The following CCDC50 variants were observed in gnomAD, a reference collection of about 807,000 sequenced individuals.
The protein encoded by CCDC50 is coiled-coil domain containing 50.
Under a neutral mutation model 70.2 loss-of-function variants are expected in CCDC50, and 54 were observed. The observed-to-expected ratio is 0.77, with a 90% CI of 0.62 to 0.96. The LOEUF is 0.96. Ranked by LOEUF, CCDC50 falls within the 50% of genes least tolerant of loss-of-function variation. The probability of loss-of-function intolerance (pLI) is 0.00; values close to 1 mark genes in which losing one functional copy is unlikely to be tolerated. For synonymous variants in CCDC50, 216 were observed against 198.8 expected (o/e 1.09, Z -0.73); for missense variants, 558 against 578.7 (o/e 0.96, Z 0.37).
chr3:191,330,296 AACAC>A (rs3048670), intron 1 of CCDC50: 22,619 of 137,016 alleles, frequency 0.17, 1,964 homozygotes, highest in Admixed American at 0.21. Context: ...TTACAAACAA[AACAC>A]ACACACACAC....
At chr3:191,360,815 G>A (rs887009983) in intron 3 of CCDC50, among the ~76,000 whole-genome samples, 1 of 152,130 alleles carries the variant, frequency 6.6e-6, no homozygotes, top group African/African-American at 2.4e-5. Flanking sequence ...CCATTGTTGG[G>A]TGTGATGATC....
chr3:191,381,876 G>A (rs1247288549), intron 9 of CCDC50, among the ~76,000 whole-genome samples: 1 of 152,084 alleles, frequency 6.6e-6, no homozygotes, highest in Non-Finnish European at 1.5e-5. Context: ...TAATGGTTGT[G>A]AGGAAAAAGG....
chr3:191,338,656 A>G (rs1711600157), intron 1 of CCDC50, among the ~76,000 whole-genome samples: 1 of 152,180 alleles, frequency 6.6e-6, no homozygotes, highest in Admixed American at 6.5e-5. Context: ...TGGATCCACA[A>G]ATCATTCCTT....
intron 4 of CCDC50, among the ~76,000 whole-genome samples, chr3:191,363,108 G>C (rs1381364589): frequency 2.0e-5 from 3 of 151,466 alleles, no homozygotes; most frequent in African/African-American, 7.3e-5. Flanking sequence ...AGAAAAACAG[G>C]ATAGAAAGAG....
intron 4 of CCDC50, among the ~76,000 whole-genome samples, chr3:191,361,841 C>T (rs969740176): frequency 6.6e-6 from 1 of 152,152 alleles, no homozygotes; most frequent in Non-Finnish European, 1.5e-5. Flanking sequence ...GTTCTTGCAG[C>T]ATTAGAGAGA....
chr3:191,380,435 TAGTG>T (rs1560170166), intron 7 of CCDC50, among the ~76,000 whole-genome samples, 161 bp downstream of exon 7: 1 of 152,038 alleles, frequency 6.6e-6, no homozygotes, highest in East Asian at 1.9e-4. Context: ...CACTTTTGCT[TAGTG>T]AGTAAGCATT....
chr3:191,361,707 T>A (rs1182615682), intron 4 of CCDC50, among the ~76,000 whole-genome samples: 1 of 152,234 alleles, frequency 6.6e-6, no homozygotes, highest in East Asian at 1.9e-4. Context: ...CAGTATGACC[T>A]CAGCTTAACT....
intron 1 of CCDC50, among the ~76,000 whole-genome samples, chr3:191,343,973 C>T (rs997230258): frequency 1.3e-5 from 2 of 152,190 alleles, no homozygotes; most frequent in Non-Finnish European, 2.9e-5. Context: ...ACCTTTCACC[C>T]TACAGAGGTT....
In CCDC50 at chr3:191,372,519, A is replaced by G. The variant is rs546702040; in HGVS notation, c.448+2483A>G. ...GTGGTCCTTTTCCAACACACCTGGG[A>G]TATTCTTTCATTGTACTTCTCTGTA... On this transcript the variant is annotated intron_variant, in intron 5 of 11. Coordinates refer to ENST00000392455, the MANE Select transcript of CCDC50 (RefSeq NM_178335.3). Among the ~76,000 whole-genome samples, 6 of 152,170 alleles carry G rather than the reference A, an allele frequency of 3.9e-5. No homozygotes were observed. The South Asian group carries it at 1.2e-3, about 32-fold the overall frequency.
At chr3:191,388,868 A>G (rs1339958234) in intron 10 of CCDC50, among the ~76,000 whole-genome samples, 9 of 152,164 alleles carry the variant, frequency 5.9e-5, no homozygotes. Flanking sequence ...ACATGTTTGC[A>G]TAAATCTATG....
chr3:191,345,126 C>G (rs1359073135), intron 1 of CCDC50, among the ~76,000 whole-genome samples: 1 of 152,206 alleles, frequency 6.6e-6, no homozygotes, highest in Non-Finnish European at 1.5e-5. Context: ...AGAAAGGAAG[C>G]TTAACTTGAG....
chr3:191,336,270 C>T (rs939541798), intron 1 of CCDC50, among the ~76,000 whole-genome samples: 1 of 151,894 alleles, frequency 6.6e-6, no homozygotes, highest in Admixed American at 6.6e-5. Flanking sequence ...ATTTTGTATT[C>T]CCACCAGCAA....
chr3:191,359,051 G>C (rs879863932), intron 3 of CCDC50, among the ~76,000 whole-genome samples: 1 of 152,154 alleles, frequency 6.6e-6, no homozygotes, highest in East Asian at 1.9e-4. Flanking sequence ...CATGAAAGGA[G>C]ACCAGAGATA....
chr3:191,375,003 A>C (rs1713044390), intron 5 of CCDC50, 59 bp from the exon 6 acceptor site: 2 of 1,553,598 alleles, frequency 1.3e-6, no homozygotes, highest in Non-Finnish European at 8.8e-7. Flanking sequence ...TAGTGAGTTC[A>C]TAACTCTCAT....
At chr3:191,366,399 C>G (rs1018667973) in intron 4 of CCDC50, among the ~76,000 whole-genome samples, 1 of 152,026 alleles carries the variant, frequency 6.6e-6, no homozygotes, top group African/African-American at 2.4e-5. Flanking sequence ...GCTTGGATAA[C>G]AGAAGGGAAA....
chr3:191,380,794 C>T (rs761356272), intron 8 of CCDC50, 34 bp from the exon 9 acceptor site: 10 of 1,604,314 alleles, frequency 6.2e-6, no homozygotes, highest in Non-Finnish European at 8.5e-6. Context: ...ATCTGCACCT[C>T]TGCAGTTAAT....
rs185244543 is a variant in CCDC50, at chr3:191,364,225, C to T, written c.330+3066C>T. ...CTGGGACTACGGGCGCCTGGCACCA[C>T]GTCCGGCTCATTTTTTGTATTTCAG... On this transcript the variant is annotated intron_variant, in intron 4 of 11. Coordinates refer to ENST00000392455, the MANE Select transcript of CCDC50 (RefSeq NM_178335.3). Among the ~76,000 whole-genome samples the T allele has an allele frequency of 8.5e-5, 13 of 152,100 alleles. No homozygotes were observed. In the East Asian group the frequency reaches 2.1e-3, roughly 25 times the overall value.
chr3:191,387,055 C>G (rs58631024), intron 10 of CCDC50, among the ~76,000 whole-genome samples: 9,054 of 152,174 alleles, frequency 0.059, 484 homozygotes, highest in East Asian at 0.25. Context: ...TCCATTTATT[C>G]ATTTATCAAG....
chr3:191,374,665 A>T (rs550491778), intron 5 of CCDC50, among the ~76,000 whole-genome samples: 2 of 152,148 alleles, frequency 1.3e-5, no homozygotes, highest in Non-Finnish European at 1.5e-5. Context: ...ACAAAGCTTA[A>T]TTTTTTTGTT....
Sources: allele counts gnomAD v4.1 joint callset (sites outside exome capture counted in the v4.1 genomes callset), GRCh38; gene constraint gnomAD v4.1.1; transcripts MANE v1.5; gene names NCBI Gene and HGNC (gene_info 2026-07-23, HGNC 2026-07-21).